The following GNS variants were observed in gnomAD, a reference collection of about 807,000 sequenced individuals.
The protein encoded by GNS is glucosamine (N-acetyl)-6-sulfatase, also known as N-acetylglucosamine-6-sulfatase.
In GNS, 40 loss-of-function variants were observed where a neutral mutation model predicts 69.7. That is an observed-to-expected ratio of 0.57 (90% CI 0.45 to 0.75). The LOEUF (loss-of-function observed/expected upper bound fraction) is 0.75, where lower values mean the gene tolerates loss of function less well. Ranked by LOEUF, GNS falls within the 30% of genes least tolerant of loss-of-function variation. GNS has a pLI of 0.00. For missense variants in GNS, 565 were observed against 685.5 expected (o/e 0.82, Z 1.96); for synonymous variants, 243 against 251.6 (o/e 0.97, Z 0.32).
chr12:64,749,542 G>A (rs548762210), intron 2 of GNS, among the ~76,000 whole-genome samples: 11 of 152,306 alleles, frequency 7.2e-5, no homozygotes, highest in East Asian at 3.9e-4. Context: ...GTGAGCCACC[G>A]TGTCTAGCCG....
rs2136234721 is a variant in GNS, at chr12:64,715,245, G to A, written c.*1496C>T. 1 of 152,304 alleles carries A rather than the reference G, an allele frequency of 6.6e-6. No homozygotes were observed. Among genetic ancestry groups the A allele is most frequent in the African/African-American group, 2.4e-5 (1 of 41,560 alleles). 9.4% of individuals were successfully genotyped at this position (152,304 alleles called of 1,614,324 possible). A position where few individuals can be genotyped will look rare whatever the true frequency, so the allele number is the denominator to read the frequency against. On this transcript the variant is annotated 3_prime_UTR_variant, in exon 14 of 14. Coordinates refer to ENST00000258145, the MANE Select transcript of GNS (RefSeq NM_002076.4). Reference sequence around the variant, plus strand: ...AAAATTTAGGTGTTCTTAGCCAAGCGTGGTGGCTCATGCCTGTAATCCCAG... The same window carrying A: ...AAAATTTAGGTGTTCTTAGCCAAGCATGGTGGCTCATGCCTGTAATCCCAG...
At chr12:64,734,164 T>G (rs890517325) in intron 9 of GNS, among the ~76,000 whole-genome samples, 2 of 152,358 alleles carry the variant, frequency 1.3e-5, no homozygotes, top group East Asian at 3.9e-4. Context: ...ATTACACCTG[T>G]CAATGCAGCA....
intron 3 of GNS, among the ~76,000 whole-genome samples, chr12:64,746,975 T>A (rs757576476): frequency 1.2e-4 from 18 of 152,236 alleles, no homozygotes; most frequent in Admixed American, 2.0e-4. Flanking sequence ...ATTTTCTCTG[T>A]CTTGAACCCC....
chr12:64,720,249 G>A (rs1868983264), intron 12 of GNS, 67 bp from the exon 13 acceptor site: 20 of 1,056,378 alleles, frequency 1.9e-5, no homozygotes, highest in South Asian at 1.5e-4. Flanking sequence ...TACTCTTAAC[G>A]TGACTTATTT....
intron 1 of GNS, among the ~76,000 whole-genome samples, chr12:64,758,751 C>A (rs1385721352): frequency 2.6e-5 from 4 of 152,140 alleles, no homozygotes; most frequent in Admixed American, 2.0e-4. Flanking sequence ...AACAATCAGG[C>A]CTTGAGTGCT....
intron 11 of GNS, 80 bp from the exon 12 acceptor site, chr12:64,721,785 C>T: frequency 1.2e-6 from 1 of 808,550 alleles, no homozygotes; most frequent in East Asian, 2.4e-5. Flanking sequence ...GGGCAATCGG[C>T]TTGGCTCATG....
chr12:64,716,898 G>C (rs1271654604), intron 13 of GNS, 79 bp from the exon 14 acceptor site: 1 of 914,126 alleles, frequency 1.1e-6, no homozygotes, highest in Non-Finnish European at 1.8e-6. Context: ...AAGGATAGCA[G>C]GAAGGGGTGT....
intron 9 of GNS, among the ~76,000 whole-genome samples, chr12:64,733,412 A>G (rs1407317024): frequency 1.3e-5 from 2 of 152,114 alleles, no homozygotes; most frequent in African/African-American, 2.4e-5. Context: ...TAATTACTGA[A>G]AAGAACAAGA....
At chr12:64,743,379 TGGTG>T in intron 5 of GNS, 71 bp from the exon 6 acceptor site, 10 of 1,107,682 alleles carry the variant, frequency 9.0e-6, no homozygotes, top group Non-Finnish European at 1.4e-5. Context: ...AAATGTCTTC[TGGTG>T]AGCAGACAGT....
intron 1 of GNS, among the ~76,000 whole-genome samples, chr12:64,758,354 C>T (rs1230554796): frequency 8.8e-6 from 1 of 113,528 alleles, no homozygotes; most frequent in African/African-American, 3.3e-5. Flanking sequence ...GACGGAGTCT[C>T]GCTCTGTCGC....
intron 10 of GNS, among the ~76,000 whole-genome samples, chr12:64,727,841 G>A (rs1209758382): frequency 1.3e-5 from 2 of 152,114 alleles, no homozygotes; most frequent in African/African-American, 4.8e-5. Flanking sequence ...AGTTTAGGGT[G>A]ATGAAAATGC....
intron 9 of GNS, among the ~76,000 whole-genome samples, chr12:64,734,797 C>A (rs1369496170): frequency 6.6e-6 from 1 of 152,172 alleles, no homozygotes; most frequent in Admixed American, 6.5e-5. Flanking sequence ...CTCCCTGACA[C>A]AAGGATTTAA....
Position 64,716,465 on chromosome 12 carries a change from A to G in GNS, c.*276T>C. On this transcript the variant is annotated 3_prime_UTR_variant, in exon 14 of 14. Transcript: ENST00000258145. ...AATAATCAAGAACTGTGGCCCCAGG[A>G]TAAAAAGAATACAGTGAGAACAAAG... 2.1e-6 allele frequency: 1 copy of G among 486,442 alleles called. No homozygotes were observed. Among genetic ancestry groups the G allele is most frequent in the Non-Finnish European group, 3.8e-6 (1 of 265,656 alleles). 30.1% of individuals were successfully genotyped at this position (486,442 alleles called of 1,614,324 possible).
chr12:64,735,740 A>G (rs1476027246), intron 9 of GNS, among the ~76,000 whole-genome samples: 1 of 152,226 alleles, frequency 6.6e-6, no homozygotes, highest in Non-Finnish European at 1.5e-5. Flanking sequence ...AACACTTTTA[A>G]GATTTAATGG....
In GNS at chr12:64,759,227, C is replaced by CG. The variant is rs1870392122; in HGVS notation, c.49dup (p.Arg17ProfsTer90). 6.5e-7 allele frequency: 1 copy of CG among 1,544,326 alleles called. No individual in the cohort carries two copies. The highest frequency in any genetic ancestry group is 2.0e-5 in the Admixed American group (1 of 50,762). On this transcript the variant is annotated frameshift_variant, in exon 1 of 14. Transcript: ENST00000258145. LOFTEE classifies it high-confidence loss of function. ...CGCTGGGCTGCAGGAGGGCAGGTGG[C>CG]GGGGGCTGCCCCGCCGGAGCCGACC...
chr12:64,739,031 C>A (rs1413197464), intron 8 of GNS, among the ~76,000 whole-genome samples: 1 of 152,084 alleles, frequency 6.6e-6, no homozygotes. Flanking sequence ...ACAAAAACAC[C>A]CAAAAAACAA....
At chr12:64,736,973 T>C (rs1869574243) in intron 9 of GNS, 31 bp downstream of exon 9, 1 of 1,066,128 alleles carries the variant, frequency 9.4e-7, no homozygotes, top group Non-Finnish European at 1.5e-6. Context: ...AGTGCCTACC[T>C]GTCCACAGCA....
At chr12:64,744,639 C>T (rs1360471983) in intron 5 of GNS, among the ~76,000 whole-genome samples, 170 bp downstream of exon 5, 5 of 152,088 alleles carry the variant, frequency 3.3e-5, no homozygotes, top group Admixed American at 2.0e-4. Flanking sequence ...AAGAAAACAC[C>T]CTGAGGAGTT....
intron 9 of GNS, among the ~76,000 whole-genome samples, chr12:64,734,126 G>A (rs1180532781): frequency 6.6e-6 from 1 of 152,100 alleles, no homozygotes; most frequent in Non-Finnish European, 1.5e-5. Context: ...TGTGCCAGGG[G>A]AAAGCTGGGG....
Sources: allele counts gnomAD v4.1 joint callset (sites outside exome capture counted in the v4.1 genomes callset), GRCh38; gene constraint gnomAD v4.1.1; transcripts MANE v1.5; gene names NCBI Gene and HGNC (gene_info 2026-07-23, HGNC 2026-07-21).